The following ADAMTS18 variants were observed in gnomAD, a reference collection of about 807,000 sequenced individuals.
ADAMTS18 encodes A disintegrin and metalloproteinase with thrombospondin motifs 18.
Under a neutral mutation model 165.9 loss-of-function variants are expected in ADAMTS18, and 157 were observed. That is an observed-to-expected ratio of 0.95 (90% CI 0.83 to 1.08). The LOEUF is 1.08. Ranked by LOEUF, ADAMTS18 falls within the 50% of genes least tolerant of loss-of-function variation. ADAMTS18 has a pLI of 0.00. For synonymous variants in ADAMTS18, 782 were observed against 578.2 expected (o/e 1.35, Z -5.06); for missense variants, 2,040 against 1,534.0 (o/e 1.33, Z -5.51).
At chr16:77,350,653 C>T (rs543582652) in intron 10 of ADAMTS18, among the ~76,000 whole-genome samples, 3 of 152,192 alleles carry the variant, frequency 2.0e-5, no homozygotes, top group South Asian at 2.1e-4. Flanking sequence ...TATGTGTGAA[C>T]GTTCAAAATT....
chr16:77,365,627 G>A (rs1025733997), intron 4 of ADAMTS18, among the ~76,000 whole-genome samples: 6 of 152,220 alleles, frequency 3.9e-5, no homozygotes, highest in African/African-American at 1.2e-4. Context: ...AGAAGTGCCT[G>A]CTCGGCCAGA....
chr16:77,325,599 G>C (rs1442754896), intron 13 of ADAMTS18, among the ~76,000 whole-genome samples: 2 of 150,374 alleles, frequency 1.3e-5, no homozygotes, highest in East Asian at 2.0e-4. Flanking sequence ...TCAAAGGTAA[G>C]TTGAGAAACA....
chr16:77,359,628 G>C (rs1269589303), intron 7 of ADAMTS18, among the ~76,000 whole-genome samples: 2 of 150,186 alleles, frequency 1.3e-5, no homozygotes, highest in Non-Finnish European at 3.0e-5. Context: ...CTATTTTCTT[G>C]CTTTTGTTAC....
At chr16:77,374,168 G>A (rs1250343528) in intron 3 of ADAMTS18, among the ~76,000 whole-genome samples, 1 of 149,974 alleles carries the variant, frequency 6.7e-6, no homozygotes, top group African/African-American at 2.5e-5. Flanking sequence ...GCAGCGCACT[G>A]AGATTGCACC....
chr16:77,295,785 G>C (rs1215651897), intron 18 of ADAMTS18, among the ~76,000 whole-genome samples: 1 of 151,322 alleles, frequency 6.6e-6, no homozygotes, highest in Non-Finnish European at 1.5e-5. Context: ...TGCCAGACCA[G>C]TTTTTTTTTA....
intron 15 of ADAMTS18, among the ~76,000 whole-genome samples, chr16:77,320,347 C>T (rs1368377901): frequency 6.6e-6 from 1 of 152,156 alleles, no homozygotes; most frequent in Non-Finnish European, 1.5e-5. Flanking sequence ...ACACTCTTCT[C>T]CTTCCCAGAC....
chr16:77,318,847 A>G (rs978305594), intron 16 of ADAMTS18, among the ~76,000 whole-genome samples: 2 of 151,864 alleles, frequency 1.3e-5, no homozygotes, highest in African/African-American at 4.8e-5. Flanking sequence ...ACTTAACATG[A>G]CTCCTAAGAG....
intron 3 of ADAMTS18, among the ~76,000 whole-genome samples, chr16:77,411,987 C>A (rs2057470895): frequency 6.6e-6 from 1 of 151,990 alleles, no homozygotes; most frequent in Non-Finnish European, 1.5e-5. Flanking sequence ...CGAGCCCAGC[C>A]AGTGCCCAAA....
chr16:77,365,154 G>T (rs931189610), intron 4 of ADAMTS18, among the ~76,000 whole-genome samples: 1 of 143,768 alleles, frequency 7.0e-6, no homozygotes, highest in African/African-American at 2.6e-5. Context: ...TAGAGTCTCT[G>T]GGTGACAGAG....
At chr16:77,289,458 C>A (rs1597079049) in intron 21 of ADAMTS18, 47 bp from the exon 22 acceptor site, 2 of 1,601,918 alleles carry the variant, frequency 1.2e-6, no homozygotes, top group South Asian at 2.2e-5. Flanking sequence ...CTACTGAGGT[C>A]AGTGACATCA....
chr16:77,398,088 A>T (rs1349830370), intron 3 of ADAMTS18, among the ~76,000 whole-genome samples: 1 of 152,106 alleles, frequency 6.6e-6, no homozygotes, highest in Non-Finnish European at 1.5e-5. Context: ...AGGCCGAGGC[A>T]GGCAGATCAC....
At chr16:77,388,472 A>G (rs919289387) in intron 3 of ADAMTS18, among the ~76,000 whole-genome samples, 7 of 152,194 alleles carry the variant, frequency 4.6e-5, no homozygotes. Flanking sequence ...CATCGTGATC[A>G]CGCCACAGAC....
At chr16:77,334,593 GTATA>G (rs1210979749) in intron 12 of ADAMTS18, among the ~76,000 whole-genome samples, 2 of 107,928 alleles carry the variant, frequency 1.9e-5, no homozygotes, top group South Asian at 2.6e-4. Flanking sequence ...ATAGTATATA[GTATA>G]TATATACTAC....
intron 9 of ADAMTS18, among the ~76,000 whole-genome samples, chr16:77,354,296 T>C (rs1419174618): frequency 6.6e-6 from 1 of 152,202 alleles, no homozygotes; most frequent in Non-Finnish European, 1.5e-5. Flanking sequence ...CCTGTCTTCA[T>C]GGAGTTTTAA....
chr16:77,372,002 C>T (rs2056882932), intron 3 of ADAMTS18, among the ~76,000 whole-genome samples: 1 of 151,860 alleles, frequency 6.6e-6, no homozygotes, highest in Non-Finnish European at 1.5e-5. Context: ...TATACATGGC[C>T]AACAGGGGTA....
chr16:77,339,235 T>C (rs535247883), intron 11 of ADAMTS18, among the ~76,000 whole-genome samples: 1 of 152,226 alleles, frequency 6.6e-6, no homozygotes, highest in Non-Finnish European at 1.5e-5. Context: ...GGAAACCGTA[T>C]ATGAATGTAA....
At chr16:77,373,480 G>GA (rs146423482) in intron 3 of ADAMTS18, among the ~76,000 whole-genome samples, 2,169 of 148,782 alleles carry the variant, frequency 0.015, 46 homozygotes, top group African/African-American at 0.051. Context: ...AAAAAAAAAA[G>GA]AAAGAAAAGA....
chr16:77,370,790 G>GAGATAT (rs2056865262), intron 3 of ADAMTS18, among the ~76,000 whole-genome samples: 1 of 147,012 alleles, frequency 6.8e-6, no homozygotes, highest in African/African-American at 2.5e-5. Flanking sequence ...TAATAGCTAC[G>GAGATAT]ATATATATAT....
At chr16:77,385,623 A>T (rs2057095887) in intron 3 of ADAMTS18, among the ~76,000 whole-genome samples, 1 of 152,206 alleles carries the variant, frequency 6.6e-6, no homozygotes, top group Non-Finnish European at 1.5e-5. Context: ...TTTATTTGTT[A>T]AACAGACAGC....
Sources: allele counts gnomAD v4.1 joint callset (sites outside exome capture counted in the v4.1 genomes callset), GRCh38; gene constraint gnomAD v4.1.1; transcripts MANE v1.5; gene names NCBI Gene and HGNC (gene_info 2026-07-23, HGNC 2026-07-21).